The following UBE2B variants were observed in gnomAD, a reference collection of about 807,000 sequenced individuals.
The protein encoded by UBE2B is ubiquitin-conjugating enzyme E2 B.
A neutral mutation model predicts 24.6 loss-of-function variants in UBE2B; 11 were observed. The ratio of observed to expected loss-of-function variants is 0.45; its 90% CI spans 0.28 to 0.74. The LOEUF (loss-of-function observed/expected upper bound fraction) is 0.74. Among genes scored for constraint, UBE2B ranks in the 30% least tolerant of loss-of-function variants. UBE2B has a pLI of 0.13. For missense variants in UBE2B, 78 were observed against 185.6 expected (o/e 0.42, Z 3.37); for synonymous variants, 68 against 62.4 (o/e 1.09, Z -0.42).
At chr5:134,387,134 A>C (rs1197625016) in intron 4 of UBE2B, among the ~76,000 whole-genome samples, 1 of 151,734 alleles carries the variant, frequency 6.6e-6, no homozygotes, top group Non-Finnish European at 1.5e-5. Context: ...TAATTTTTGT[A>C]TTTTTAGTAG....
chr5:134,379,129 C>G (rs1045497266), intron 3 of UBE2B, among the ~76,000 whole-genome samples: 1 of 151,960 alleles, frequency 6.6e-6, no homozygotes, highest in Non-Finnish European at 1.5e-5. Context: ...TCTGTAAACT[C>G]GAGTCACCCA....
At chr5:134,376,913 G>T (rs1758619136) in intron 3 of UBE2B, among the ~76,000 whole-genome samples, 1 of 152,162 alleles carries the variant, frequency 6.6e-6, no homozygotes, top group Admixed American at 6.5e-5. Context: ...ATATTTTCCT[G>T]TATAACTGTA....
intron 4 of UBE2B, among the ~76,000 whole-genome samples, chr5:134,381,191 C>T (rs1480885448): frequency 6.6e-6 from 1 of 151,874 alleles, no homozygotes; most frequent in African/African-American, 2.4e-5. Flanking sequence ...TGGTCTCGAT[C>T]TCCTGACCTT....
chr5:134,377,694 A>G (rs1758632351), intron 3 of UBE2B, among the ~76,000 whole-genome samples: 1 of 152,168 alleles, frequency 6.6e-6, no homozygotes, highest in Non-Finnish European at 1.5e-5. Flanking sequence ...TGTGTGATCC[A>G]TAAACCCCTT....
chr5:134,390,937 A>G lies in UBE2B; in HGVS notation c.*584A>G, dbSNP rs1758888219. On this transcript the variant is annotated 3_prime_UTR_variant, in exon 6 of 6. Transcript: ENST00000265339. This position sits in a 1 kb window ranked among gnomAD's most constrained non-coding sequence, Gnocchi z 4.6. ...TTCTAAATAGCGATTATAATCTCCA[A>G]CTTTATTTTGAATGTACCTCTATTA... 1.9e-5 allele frequency: 3 copies of G among 154,768 alleles called. No individual in the cohort carries two copies. Among genetic ancestry groups the G allele is most frequent in the Non-Finnish European group, 4.3e-5 (3 of 69,524 alleles). The allele number at this position is 154,768 out of a possible 1,614,324, so 9.6% of individuals were successfully genotyped here.
intron 2 of UBE2B, among the ~76,000 whole-genome samples, chr5:134,376,338 A>ATATATATATATATATATATAT (rs1276778610): frequency 3.2e-3 from 14 of 4,372 alleles, no homozygotes; most frequent in East Asian, 0.014. Flanking sequence ...AAAAAAAAAA[A>ATATATATATATATATATATAT]AAAAAAAAAA....
intron 1 of UBE2B, 29 bp from the exon 2 acceptor site, chr5:134,374,354 C>A (rs2149689890): frequency 6.4e-7 from 1 of 1,551,440 alleles, no homozygotes; most frequent in Non-Finnish European, 8.7e-7. Context: ...TAATGTTCAA[C>A]TTTTTAAATT....
intron 4 of UBE2B, among the ~76,000 whole-genome samples, chr5:134,381,482 G>T (rs181111861): frequency 7.9e-5 from 12 of 152,012 alleles, no homozygotes; most frequent in African/African-American, 2.9e-4. Context: ...TGTTGCCCAG[G>T]CTGGTCCTTG....
At chr5:134,377,714 G>A (rs373806928) in intron 3 of UBE2B, among the ~76,000 whole-genome samples, 1 of 152,208 alleles carries the variant, frequency 6.6e-6, no homozygotes, top group African/African-American at 2.4e-5. Context: ...TGGGGTCTTG[G>A]AGACCCTCTC....
intron 4 of UBE2B, among the ~76,000 whole-genome samples, chr5:134,383,063 G>A (rs1356052193): frequency 6.6e-6 from 1 of 152,042 alleles, no homozygotes; most frequent in Non-Finnish European, 1.5e-5. Context: ...TACTCGGGAG[G>A]CTGAGGCGGG....
intron 3 of UBE2B, among the ~76,000 whole-genome samples, chr5:134,379,140 A>G (rs1211642839): frequency 6.6e-6 from 1 of 152,166 alleles, no homozygotes; most frequent in East Asian, 1.9e-4. Flanking sequence ...GAGTCACCCA[A>G]TATTTTGCAG....
Position 134,390,437 on chromosome 5 carries a change from A to G in UBE2B, c.*84A>G. ...GAAAGGCTAACAAATTTTAAGTGCC[A>G]CAGGTTTTAAGGATTCTGCAGAAAA... On this transcript the variant is annotated 3_prime_UTR_variant, in exon 6 of 6. Coordinates refer to ENST00000265339, the MANE Select transcript of UBE2B (RefSeq NM_003337.4). The surrounding 1 kb of genome is among the most constrained non-coding windows in gnomAD (Gnocchi z 4.6). 6.4e-7 allele frequency: 1 copy of G among 1,566,508 alleles called. No homozygotes were observed.
At chr5:134,387,452 A>T (rs191561384) in intron 4 of UBE2B, among the ~76,000 whole-genome samples, 2 of 152,372 alleles carry the variant, frequency 1.3e-5, no homozygotes, top group African/African-American at 4.8e-5. Context: ...AATTTAACTC[A>T]AAGCCTCCTG....
At chr5:134,386,961 T>C (rs1758814905) in intron 4 of UBE2B, among the ~76,000 whole-genome samples, 1 of 111,434 alleles carries the variant, frequency 9.0e-6, no homozygotes, top group African/African-American at 3.7e-5. Context: ...GTTTTTCACT[T>C]TTTTTTTTTT....
chr5:134,380,954 GATTTTTTTTTT>G, intron 4 of UBE2B, 146 bp downstream of exon 4: 1 of 218,756 alleles, frequency 4.6e-6, no homozygotes, highest in Non-Finnish European at 8.3e-6. Flanking sequence ...TTTTGTTGTG[GATTTTTTTTTT>G]TTTTTTTTTT....
At chr5:134,379,498 G>C (rs1273576545) in intron 3 of UBE2B, among the ~76,000 whole-genome samples, 1 of 151,800 alleles carries the variant, frequency 6.6e-6, no homozygotes, top group Admixed American at 6.6e-5. Context: ...ATACAAAAAT[G>C]AGCCAGGCGG....
rs187221102 is a variant in UBE2B, at chr5:134,378,370, G to A, written c.151+1676G>A. ...CGCCTCCGAGGTTCAAGTGATTCTC[G>A]TGCCTCAGCCTTCCAAGTAGCTGGG... On this transcript the variant is annotated intron_variant, in intron 3 of 5. Coordinates refer to ENST00000265339, the MANE Select transcript of UBE2B (RefSeq NM_003337.4). 2.4e-4 allele frequency among the ~76,000 whole-genome samples: 36 copies of A among 151,964 alleles called. 1 individual carries two copies. Among genetic ancestry groups the A allele is most frequent in the African/African-American group, 7.0e-4 (29 of 41,462 alleles).
chr5:134,379,664 A>AAG, intron 3 of UBE2B, among the ~76,000 whole-genome samples: 1 of 150,206 alleles, frequency 6.7e-6, no homozygotes, highest in South Asian at 2.1e-4. Context: ...AAAAAAAAAA[A>AAG]GGAAGAAAGA....
intron 4 of UBE2B, among the ~76,000 whole-genome samples, chr5:134,386,872 T>G (rs1278439444): frequency 6.6e-6 from 1 of 152,094 alleles, no homozygotes; most frequent in Non-Finnish European, 1.5e-5. Flanking sequence ...TTCTGGTGAT[T>G]GTGTTGCTAT....
Sources: allele counts gnomAD v4.1 joint callset (sites outside exome capture counted in the v4.1 genomes callset), GRCh38; gene constraint gnomAD v4.1.1; non-coding constraint Gnocchi (gnomAD v3.1); transcripts MANE v1.5; gene names NCBI Gene and HGNC (gene_info 2026-07-23, HGNC 2026-07-21).